The following MEI4 variants were observed in gnomAD, a reference collection of about 807,000 sequenced individuals.
The protein encoded by MEI4 is meiotic double-stranded break formation protein 4, also known as meiosis-specific protein MEI4.
Under a neutral mutation model 31.4 loss-of-function variants are expected in MEI4, and 27 were observed. The ratio of observed to expected loss-of-function variants is 0.86; its 90% CI spans 0.63 to 1.19. The LOEUF (loss-of-function observed/expected upper bound fraction) is 1.19, where lower values mean the gene tolerates loss of function less well. Ranked by LOEUF, MEI4 falls within the 50% of genes most tolerant of loss-of-function variation. MEI4 has a pLI of 0.00. For missense variants in MEI4, 329 were observed against 398.9 expected (o/e 0.82, Z 1.49); for synonymous variants, 122 against 145.4 (o/e 0.84, Z 1.16).
intron 1 of MEI4, among the ~76,000 whole-genome samples, chr6:77,669,632 A>G (rs930948540): frequency 2.0e-5 from 3 of 152,160 alleles, no homozygotes; most frequent in African/African-American, 4.8e-5. Flanking sequence ...AAATTTTCAC[A>G]TGTTTTACAT....
chr6:77,650,722 C>T (rs1444328752), upstream of MEI4, among the ~76,000 whole-genome samples: 1 of 152,224 alleles, frequency 6.6e-6, no homozygotes, highest in Non-Finnish European at 1.5e-5. Context: ...GTATGGAGCT[C>T]CGCACACGTT....
At chr6:77,769,422 C>T (rs1006767186) in intron 3 of MEI4, among the ~76,000 whole-genome samples, 6 of 152,112 alleles carry the variant, frequency 3.9e-5, no homozygotes, top group African/African-American at 1.2e-4. Flanking sequence ...TGAAAGGCAA[C>T]CTAGACCACA....
chr6:77,743,966 T>C lies in MEI4; in HGVS notation c.233-17164T>C, dbSNP rs527309289. Among the ~76,000 whole-genome samples the C allele has an allele frequency of 2.0e-3, 307 of 152,324 alleles. 2 individuals are homozygous for C. Among genetic ancestry groups the C allele is most frequent in the Non-Finnish European group, 3.1e-3 (214 of 68,040 alleles). ...AGGACATCCACACCAAAAACCCATC[T>C]GTACATCACCATCATTAAAGACCAA... is the stretch of plus-strand genomic sequence containing the variant. On this transcript the variant is annotated intron_variant, in intron 2 of 4. Coordinates refer to ENST00000684080, the MANE Select transcript of MEI4 (RefSeq NM_001322247.2).
intron 1 of MEI4, among the ~76,000 whole-genome samples, chr6:77,673,741 C>T (rs1768789896): frequency 6.6e-6 from 1 of 152,110 alleles, no homozygotes; most frequent in African/African-American, 2.4e-5. Context: ...AAGAAGTCCT[C>T]CTGGAAGAGG....
intron 2 of MEI4, among the ~76,000 whole-genome samples, chr6:77,737,943 G>A (rs1767295641): frequency 6.6e-6 from 1 of 152,182 alleles, no homozygotes; most frequent in African/African-American, 2.4e-5. Flanking sequence ...GTCATATTGA[G>A]ATAGTAGCAA....
intron 3 of MEI4, among the ~76,000 whole-genome samples, chr6:77,769,665 G>A (rs1157361686): frequency 2.6e-5 from 4 of 152,028 alleles, no homozygotes; most frequent in African/African-American, 9.7e-5. Flanking sequence ...CCCATCCACA[G>A]TAGAATAAGG....
chr6:77,707,481 T>C (rs1184420506), intron 2 of MEI4, among the ~76,000 whole-genome samples: 2 of 152,188 alleles, frequency 1.3e-5, no homozygotes, highest in Non-Finnish European at 2.9e-5. Context: ...AAAATTCTCA[T>C]CCTGACCATG....
intron 2 of MEI4, among the ~76,000 whole-genome samples, chr6:77,742,064 G>A (rs1582087981): frequency 1.3e-5 from 2 of 152,052 alleles, no homozygotes; most frequent in South Asian, 2.1e-4. Flanking sequence ...ATTGTGAATA[G>A]TGCCACAATA....
intron 2 of MEI4, among the ~76,000 whole-genome samples, chr6:77,707,138 C>T (rs1451633705): frequency 1.3e-5 from 2 of 151,838 alleles, no homozygotes; most frequent in Admixed American, 6.6e-5. Flanking sequence ...ATGGTTCTGA[C>T]CGAAATGGTG....
chr6:77,711,963 C>T (rs1324518078), intron 2 of MEI4, among the ~76,000 whole-genome samples: 1 of 152,104 alleles, frequency 6.6e-6, no homozygotes, highest in Non-Finnish European at 1.5e-5. Flanking sequence ...AGTAGTAATA[C>T]TCAGAAGCCC....
intron 4 of MEI4, among the ~76,000 whole-genome samples, chr6:77,865,879 A>G (rs77878514): frequency 6.6e-6 from 1 of 151,876 alleles, no homozygotes; most frequent in African/African-American, 2.4e-5. Context: ...AGCTTATCCA[A>G]CATGATCAAG....
At chr6:77,827,143 G>A (rs1036658312) in intron 3 of MEI4, among the ~76,000 whole-genome samples, 1 of 151,916 alleles carries the variant, frequency 6.6e-6, no homozygotes, top group East Asian at 1.9e-4. Context: ...GGCAGATCAC[G>A]AGGTTAGGAG....
intron 4 of MEI4, among the ~76,000 whole-genome samples, chr6:77,911,125 A>G (rs1389404270): frequency 6.6e-6 from 1 of 151,486 alleles, no homozygotes; most frequent in Non-Finnish European, 1.5e-5. Flanking sequence ...TTTATTTTTT[A>G]TTGTTGCATT....
In MEI4 at chr6:77,841,094, A is replaced by C. The variant is rs749443080; in HGVS notation, c.900+12032A>C. 2.0e-5 allele frequency among the ~76,000 whole-genome samples: 3 copies of C among 151,948 alleles called. No individual in the cohort carries two copies. In the East Asian group the frequency reaches 5.8e-4, roughly 29 times the overall value. ...AAAGGCAGAGCAAAAGTAATGCTTA[A>C]GGGGGTAAATATAATAGACCATGTT... On this transcript the variant is annotated intron_variant, in intron 4 of 4. Transcript: ENST00000684080.
At chr6:77,683,969 G>A (rs115053913) in intron 1 of MEI4, among the ~76,000 whole-genome samples, 3,517 of 152,162 alleles carry the variant, frequency 0.023, 137 homozygotes, top group African/African-American at 0.079. Flanking sequence ...ACTGTTTTCC[G>A]TAGATGTTGT....
intron 3 of MEI4, among the ~76,000 whole-genome samples, chr6:77,792,922 C>T (rs1489805542): frequency 6.6e-6 from 1 of 152,056 alleles, no homozygotes; most frequent in Non-Finnish European, 1.5e-5. Flanking sequence ...CCATGTTAGC[C>T]AGGATGGTCT....
chr6:77,907,918 C>T lies in MEI4; in HGVS notation c.901-15171C>T, dbSNP rs189404124. 6.2e-3 allele frequency among the ~76,000 whole-genome samples: 937 copies of T among 151,778 alleles called. 5 individuals are homozygous for T. The highest frequency in any genetic ancestry group is 0.035 in the South Asian group (168 of 4,814). ...TGGCCAGTGATGACGAGCGTGTTTT[C>T]ATTTGTCTTTTGGCTGCATAAATGT... On this transcript the variant is annotated intron_variant, in intron 4 of 4. Transcript: ENST00000684080.
rs1398480729 is a variant in MEI4, at chr6:77,916,058, AAT to A, written c.901-7026_901-7025del. Reference sequence around the variant, plus strand: ...TTGACCTAGTTGATTGAAGCTTTCAAATATATTTTGTGTTTTATTCAATGAAT... The same window carrying A: ...TTGACCTAGTTGATTGAAGCTTTCAAATATTTTGTGTTTTATTCAATGAAT... On this transcript the variant is annotated intron_variant, in intron 4 of 4. Transcript: ENST00000684080. 2.0e-5 allele frequency among the ~76,000 whole-genome samples: 3 copies of A among 151,974 alleles called. No homozygotes were observed. The East Asian group carries it at 5.8e-4, about 29-fold the overall frequency.
intron 2 of MEI4, among the ~76,000 whole-genome samples, chr6:77,759,138 G>T (rs189029158): frequency 6.6e-6 from 1 of 152,078 alleles, no homozygotes; most frequent in Non-Finnish European, 1.5e-5. Flanking sequence ...TTGTTTTGGT[G>T]GATTTTTTTG....
Sources: gnomAD v4.1 joint callset for allele counts (sites outside exome capture counted in the v4.1 genomes callset) on GRCh38, gnomAD v4.1.1 for gene constraint, MANE v1.5 for transcripts, NCBI Gene and HGNC (gene_info 2026-07-23, HGNC 2026-07-21) for gene names.